The following SRRM4 variants were observed in gnomAD, a reference collection of about 807,000 sequenced individuals.
The protein encoded by SRRM4 is serine/arginine repetitive matrix 4.
A neutral mutation model predicts 68.9 loss-of-function variants in SRRM4; 33 were observed. That is an observed-to-expected ratio of 0.48 (90% CI 0.36 to 0.64). The LOEUF is 0.64. SRRM4 is among the 30% of genes least tolerant of loss of function. The pLI, the probability that SRRM4 is intolerant of heterozygous loss-of-function variation, is 0.00. For missense variants in SRRM4, 817 were observed against 827.1 expected (o/e 0.99, Z 0.15); for synonymous variants, 318 against 318.8 (o/e 1.00, Z 0.03).
At chr12:119,054,251 G>A (rs1000267998) in intron 1 of SRRM4, among the ~76,000 whole-genome samples, 3 of 152,136 alleles carry the variant, frequency 2.0e-5, no homozygotes, top group African/African-American at 4.8e-5. Flanking sequence ...ATTCCTTTGT[G>A]TATATGTACC....
intron 1 of SRRM4, among the ~76,000 whole-genome samples, chr12:119,004,722 C>T (rs1953405487): frequency 6.6e-6 from 1 of 151,950 alleles, no homozygotes; most frequent in Admixed American, 6.5e-5. Context: ...CTCCTCTCGG[C>T]TCCCCCAGAC....
At chr12:119,091,822 A>G (rs535264435) in intron 1 of SRRM4, among the ~76,000 whole-genome samples, 1 of 152,190 alleles carries the variant, frequency 6.6e-6, no homozygotes, top group African/African-American at 2.4e-5. Context: ...GCCTTTCCCC[A>G]GTCAGGATGT....
Position 119,102,331 on chromosome 12 carries a change from G to C in SRRM4, c.227G>C (p.Ser76Thr), listed in dbSNP as rs150353576. The C allele has an allele frequency of 7.4e-6, 12 of 1,613,582 alleles. No individual in the cohort carries two copies. The highest frequency in any genetic ancestry group is 1.3e-5 in the African/African-American group (1 of 75,028). ...GCCACCGAGCCCTTGGGCACCAACA[G>C]TTGGGAGAGAGACAAGACCTGTCGG... ...HLATEPLGTNSWERDKTCREL... is the reference protein window; with the variant it reads ...HLATEPLGTNTWERDKTCREL... The change falls in exon 2 of 13, where the codon AGT becomes ACT. Residue 76 changes from serine to threonine, a missense_variant. By Grantham distance (58) the Ser-to-Thr change is moderately conservative (BLOSUM62 1). Coordinates refer to ENST00000267260, the MANE Select transcript of SRRM4 (RefSeq NM_194286.4).
intron 1 of SRRM4, among the ~76,000 whole-genome samples, chr12:119,044,283 G>A (rs1953690514): frequency 6.6e-6 from 1 of 152,218 alleles, no homozygotes; most frequent in African/African-American, 2.4e-5. Context: ...AAGCCTTCTG[G>A]TGACAGCGGC....
chr12:119,028,387 T>C (rs1179327866), intron 1 of SRRM4, among the ~76,000 whole-genome samples: 1 of 152,122 alleles, frequency 6.6e-6, no homozygotes, highest in Non-Finnish European at 1.5e-5. Flanking sequence ...GGGGCAGGTC[T>C]TTTCGTGCTA....
chr12:119,006,541 G>A (rs2135995561), intron 1 of SRRM4, among the ~76,000 whole-genome samples: 1 of 152,300 alleles, frequency 6.6e-6, no homozygotes, highest in African/African-American at 2.4e-5. Flanking sequence ...ATTGCCCTGA[G>A]CTCTTGGGAA....
chr12:119,039,892 G>C (rs1279666503), intron 1 of SRRM4, among the ~76,000 whole-genome samples: 1 of 151,944 alleles, frequency 6.6e-6, no homozygotes, highest in African/African-American at 2.4e-5. Flanking sequence ...CATATACCAG[G>C]GCAGGAAACA....
chr12:119,023,350 A>C (rs1181155815), intron 1 of SRRM4, among the ~76,000 whole-genome samples: 2 of 152,196 alleles, frequency 1.3e-5, no homozygotes, highest in Non-Finnish European at 2.9e-5. Context: ...TTAGTACCTG[A>C]GAGGGACAGT....
chr12:119,118,358 G>A (rs1336164306), intron 4 of SRRM4, among the ~76,000 whole-genome samples: 1 of 152,246 alleles, frequency 6.6e-6, no homozygotes, highest in Non-Finnish European at 1.5e-5. Flanking sequence ...ATGAATGAGA[G>A]GTAAGAGGTT....
At chr12:119,156,349 A>G (rs1954470993) in intron 12 of SRRM4, 146 bp from the exon 13 acceptor site, 1 of 1,232,048 alleles carries the variant, frequency 8.1e-7, no homozygotes. Context: ...TGTTCTCAGC[A>G]CTGCAAGAGA....
intron 1 of SRRM4, among the ~76,000 whole-genome samples, chr12:119,095,837 G>T (rs1954040637): frequency 6.6e-6 from 1 of 150,948 alleles, no homozygotes; most frequent in African/African-American, 2.4e-5. Context: ...GCAGGTGCCT[G>T]TAATCCCAGC....
At position 119,040,108 on chromosome 12, in the gene SRRM4, G is replaced by A. The variant is rs145330622; in HGVS notation, c.131+58095G>A. On this transcript the variant is annotated intron_variant, in intron 1 of 12. Transcript: ENST00000267260. ...CTCCCCTAAGGGACAAGACATGTAT[G>A]TGAGGAAAGGAGAAAAAAAGGCACC... Among the ~76,000 whole-genome samples the A allele has an allele frequency of 2.5e-3, 385 of 152,190 alleles. 3 individuals carry two copies. The highest frequency in any genetic ancestry group is 9.0e-3 in the African/African-American group (374 of 41,486).
rs189032805 is a variant in SRRM4, at chr12:119,074,951, A to T, written c.132-27285A>T. Among the ~76,000 whole-genome samples the T allele has an allele frequency of 5.9e-5, 9 of 152,322 alleles. No individual in the cohort carries two copies. In the East Asian group the frequency reaches 1.7e-3, roughly 29 times the overall value. On this transcript the variant is annotated intron_variant, in intron 1 of 12. Coordinates refer to ENST00000267260, the MANE Select transcript of SRRM4 (RefSeq NM_194286.4). ...GGTGAGAAAAATGAATTCCTGTGAG[A>T]TGGAAGAGAAAATCTATGAGGCCAA...
intron 8 of SRRM4, among the ~76,000 whole-genome samples, chr12:119,137,196 C>T (rs1047878400): frequency 1.3e-5 from 2 of 151,202 alleles, no homozygotes; most frequent in African/African-American, 2.4e-5. Context: ...TCCCATATGG[C>T]AGGGAAGAAA....
At chr12:119,097,016 G>A (rs914678403) in intron 1 of SRRM4, among the ~76,000 whole-genome samples, 2 of 151,978 alleles carry the variant, frequency 1.3e-5, no homozygotes, top group African/African-American at 4.8e-5. Flanking sequence ...CCGCCGGGAG[G>A]CCTTGAGGAA....
intron 1 of SRRM4, among the ~76,000 whole-genome samples, chr12:119,095,954 A>G (rs112448069): frequency 0.11 from 10,521 of 96,370 alleles, 479 homozygotes; most frequent in Admixed American, 0.15. Context: ...ATTGAGCCTC[A>G]GTCTCAAAAA....
At chr12:119,051,025 A>G (rs1416835869) in intron 1 of SRRM4, among the ~76,000 whole-genome samples, 1 of 152,142 alleles carries the variant, frequency 6.6e-6, no homozygotes, top group Non-Finnish European at 1.5e-5. Context: ...GTGGTTCTCA[A>G]TCAGGAGCAA....
intron 1 of SRRM4, among the ~76,000 whole-genome samples, chr12:119,042,178 CT>C (rs1199417450): frequency 1.3e-5 from 2 of 152,002 alleles, no homozygotes; most frequent in African/African-American, 4.8e-5. Context: ...GGTCAGTGGT[CT>C]TTTCATCTGA....
chr12:119,075,135 G>A (rs1374155459), intron 1 of SRRM4, among the ~76,000 whole-genome samples: 1 of 152,148 alleles, frequency 6.6e-6, no homozygotes, highest in Admixed American at 6.5e-5. Flanking sequence ...CCATCCCTAA[G>A]CTCCAATTGA....
Sources: allele counts gnomAD v4.1 joint callset (sites outside exome capture counted in the v4.1 genomes callset), GRCh38; gene constraint gnomAD v4.1.1; transcripts MANE v1.5; gene names NCBI Gene and HGNC (gene_info 2026-07-23, HGNC 2026-07-21).